Variants in CNTNAP5 observed in about 807,000 individuals in gnomAD.
The protein encoded by CNTNAP5 is contactin-associated protein-like 5.
A neutral mutation model predicts 150.2 loss-of-function variants in CNTNAP5; 72 were observed. That is an observed-to-expected ratio of 0.48 (90% CI 0.40 to 0.58). The LOEUF is 0.58. Ranked by LOEUF, CNTNAP5 falls within the 20% of genes least tolerant of loss-of-function variation. The pLI is 0.00. For synonymous variants in CNTNAP5, 672 were observed against 619.8 expected (o/e 1.08, Z -1.25); for missense variants, 1,636 against 1,626.2 (o/e 1.01, Z -0.10).
chr2:124,130,576 A>C (rs1000040016), intron 1 of CNTNAP5, among the ~76,000 whole-genome samples: 5 of 152,062 alleles, frequency 3.3e-5, no homozygotes, highest in African/African-American at 1.2e-4. Flanking sequence ...TTGTCTGGTC[A>C]CCCCATCTAT....
At chr2:124,890,996 CAA>C (rs35189994) in intron 21 of CNTNAP5, among the ~76,000 whole-genome samples, 2 of 152,072 alleles carry the variant, frequency 1.3e-5, no homozygotes, top group African/African-American at 4.8e-5. Context: ...TTAATGTTCA[CAA>C]AAAAAGTATG....
intron 1 of CNTNAP5, among the ~76,000 whole-genome samples, chr2:124,031,140 TACACACAC>T (rs35707474): frequency 6.7e-6 from 1 of 150,226 alleles, no homozygotes; most frequent in Non-Finnish European, 1.5e-5. Flanking sequence ...CCGCTATACA[TACACACAC>T]ACACACACAC....
chr2:124,415,179 T>A (rs1055436553), intron 3 of CNTNAP5, among the ~76,000 whole-genome samples: 1 of 152,066 alleles, frequency 6.6e-6, no homozygotes, highest in African/African-American at 2.4e-5. Context: ...ATAAAGCCAT[T>A]CTCCATCTGG....
At chr2:124,070,404 A>G (rs1432324454) in intron 1 of CNTNAP5, among the ~76,000 whole-genome samples, 2 of 135,874 alleles carry the variant, frequency 1.5e-5, no homozygotes, top group Non-Finnish European at 3.4e-5. Context: ...GGGAAAAAAA[A>G]AAAAAAAAAA....
intron 20 of CNTNAP5, among the ~76,000 whole-genome samples, chr2:124,867,130 A>C (rs1677649347): frequency 6.6e-6 from 1 of 152,022 alleles, no homozygotes; most frequent in South Asian, 2.1e-4. Flanking sequence ...CCCTTTCATC[A>C]TTTATTCCAG....
rs575603162 is a variant in CNTNAP5 at position 124,527,402 on chromosome 2, G to T, written c.1595G>T (p.Gly532Val). The stretch of plus-strand genomic sequence containing the variant: ...AAGGACCTCATTTCAGTTCAGCAAG[G>T]TTCCCTGGGGAATTTTAGTGATTTA... ...QPKDLISVQQ[G>V]SLGNFSDLHI... Residue 532 changes from glycine to valine, a missense_variant, in exon 10 of 24, where the codon GGT becomes GTT. Gly to Val is a moderately radical substitution (Grantham distance 109). Coordinates refer to ENST00000682447, the MANE Select transcript of CNTNAP5 (RefSeq NM_001367498.1). The T allele has an allele frequency of 2.0e-5, 32 of 1,613,632 alleles. No homozygotes were observed. The highest frequency in any genetic ancestry group is 4.5e-5 in the East Asian group (2 of 44,880).
chr2:124,426,778 A>G (rs1307271902), intron 4 of CNTNAP5, among the ~76,000 whole-genome samples: 1 of 152,078 alleles, frequency 6.6e-6, no homozygotes, highest in South Asian at 2.1e-4. Context: ...TGCCTCCAGA[A>G]CTCTGTCTTT....
At chr2:124,309,596 G>A (rs1451744043) in intron 3 of CNTNAP5, among the ~76,000 whole-genome samples, 1 of 152,208 alleles carries the variant, frequency 6.6e-6, no homozygotes, top group Non-Finnish European at 1.5e-5. Context: ...CAGCAATGGG[G>A]TCCAATGATG....
chr2:124,040,027 T>C (rs2104630254), intron 1 of CNTNAP5, among the ~76,000 whole-genome samples: 1 of 152,330 alleles, frequency 6.6e-6, no homozygotes, highest in African/African-American at 2.4e-5. Flanking sequence ...TTTGTGAATA[T>C]TTACCTCTCT....
intron 2 of CNTNAP5, among the ~76,000 whole-genome samples, chr2:124,240,752 T>C (rs925596943): frequency 1.8e-4 from 27 of 152,268 alleles, no homozygotes; most frequent in African/African-American, 6.5e-4. Flanking sequence ...ATTTGCAAGA[T>C]GTGCCTTTAA....
At chr2:124,460,646 C>A (rs1352870951) in intron 6 of CNTNAP5, among the ~76,000 whole-genome samples, 1 of 151,998 alleles carries the variant, frequency 6.6e-6, no homozygotes. Context: ...AATTTTATTT[C>A]TGTGAATTAT....
chr2:124,320,647 A>C (rs1689076995), intron 3 of CNTNAP5, among the ~76,000 whole-genome samples: 1 of 152,148 alleles, frequency 6.6e-6, no homozygotes, highest in Admixed American at 6.5e-5. Context: ...AAGCATAAAG[A>C]TTCAAGAACC....
intron 7 of CNTNAP5, among the ~76,000 whole-genome samples, chr2:124,480,918 G>A (rs1474247668): frequency 7.9e-5 from 12 of 152,102 alleles, no homozygotes; most frequent in Admixed American, 7.9e-4. Context: ...GAATTAAATA[G>A]TTTCAAGGTC....
intron 1 of CNTNAP5, among the ~76,000 whole-genome samples, chr2:124,187,088 C>A (rs1467743486): frequency 6.6e-6 from 1 of 151,976 alleles, no homozygotes. Context: ...ACATACAGTA[C>A]AATAACAGCT....
intron 3 of CNTNAP5, among the ~76,000 whole-genome samples, chr2:124,367,417 C>T (rs914508633): frequency 6.6e-6 from 1 of 152,164 alleles, no homozygotes; most frequent in African/African-American, 2.4e-5. Flanking sequence ...TGCAAACTGT[C>T]AGATCTCATG....
intron 1 of CNTNAP5, among the ~76,000 whole-genome samples, chr2:124,129,117 G>T (rs1683786933): frequency 6.6e-6 from 1 of 150,906 alleles, no homozygotes; most frequent in South Asian, 2.1e-4. Flanking sequence ...AAGAAAGAAA[G>T]AAATGGAAGC....
At chr2:124,301,781 TA>T (rs1175051264) in intron 3 of CNTNAP5, among the ~76,000 whole-genome samples, 1 of 152,154 alleles carries the variant, frequency 6.6e-6, no homozygotes, top group African/African-American at 2.4e-5. Context: ...GGATCCACCT[TA>T]AAAACTCCAC....
At chr2:124,561,177 C>G (rs968606511) in intron 10 of CNTNAP5, among the ~76,000 whole-genome samples, 14 of 151,998 alleles carry the variant, frequency 9.2e-5, no homozygotes, top group African/African-American at 3.1e-4. Flanking sequence ...AAAAACTGGG[C>G]AGCTTCAGAA....
intron 7 of CNTNAP5, among the ~76,000 whole-genome samples, chr2:124,489,121 T>A (rs1693960276): frequency 6.6e-6 from 1 of 152,240 alleles, no homozygotes; most frequent in African/African-American, 2.4e-5. Flanking sequence ...GTCCTCTGGA[T>A]AATGTCTAAA....
Sources: allele counts gnomAD v4.1 joint callset (sites outside exome capture counted in the v4.1 genomes callset), GRCh38; gene constraint gnomAD v4.1.1; transcripts MANE v1.5; gene names NCBI Gene and HGNC (gene_info 2026-07-23, HGNC 2026-07-21).